The following DDX59 variants were observed in gnomAD, a reference collection of about 807,000 sequenced individuals.
The protein encoded by DDX59 is probable ATP-dependent RNA helicase DDX59.
In DDX59, 30 loss-of-function variants were observed where a neutral mutation model predicts 51.9. That is an observed-to-expected ratio of 0.58 (90% CI 0.43 to 0.78). The LOEUF (loss-of-function observed/expected upper bound fraction) is 0.78, where lower values mean the gene tolerates loss of function less well. Ranked by LOEUF, DDX59 falls within the 30% of genes least tolerant of loss-of-function variation. DDX59 has a pLI of 0.00. For missense variants in DDX59, 672 were observed against 730.8 expected (o/e 0.92, Z 0.93); for synonymous variants, 255 against 253.3 (o/e 1.01, Z -0.06).
intron 4 of DDX59, among the ~76,000 whole-genome samples, chr1:200,656,241 C>T (rs1045618096): frequency 1.3e-5 from 2 of 152,116 alleles, no homozygotes; most frequent in African/African-American, 2.4e-5. Flanking sequence ...ATGGGAACCC[C>T]GTCACACCCA....
rs1384742626 is a variant in DDX59, at chr1:200,649,091, T to C, written c.1450A>G (p.Arg484Gly). ...SIHSEKSQIERKNILKGLLEG... is the reference protein window; with the variant it reads ...SIHSEKSQIEGKNILKGLLEG... ...TGTCAAACCTTCAATATGTTTTTCC[T>C]TTCTATTTGCGACTTCTCTGAATGT... is the stretch of plus-strand genomic sequence containing the variant. The change falls in exon 6 of 8, where the codon AGG (arginine) becomes GGG (glycine). Residue 484 changes from arginine to glycine, a missense_variant. Transcript: ENST00000331314. 1.3e-6 allele frequency: 2 copies of C among 1,565,730 alleles called. No homozygotes were observed. The highest frequency in any genetic ancestry group is 2.4e-5 in the South Asian group (2 of 82,410).
downstream of DDX59, chr1:200,641,251 A>T: frequency 7.7e-7 from 1 of 1,303,072 alleles, no homozygotes; most frequent in Non-Finnish European, 1.0e-6. Context: ...CCCAAATAAT[A>T]TTCAGCTGCC....
At chr1:200,667,090 A>G (rs892150474) in intron 1 of DDX59, among the ~76,000 whole-genome samples, 2 of 150,636 alleles carry the variant, frequency 1.3e-5, no homozygotes, top group African/African-American at 4.9e-5. Context: ...CCTGGGTGAC[A>G]GTGAGATTCT....
chr1:200,642,736 T>C (rs1385117567), downstream of DDX59, among the ~76,000 whole-genome samples: 1 of 152,186 alleles, frequency 6.6e-6, no homozygotes, highest in Non-Finnish European at 1.5e-5. Flanking sequence ...CTATTGGGTA[T>C]TTGACATATG....
intron 7 of DDX59, among the ~76,000 whole-genome samples, chr1:200,645,450 T>C (rs1661238207): frequency 6.6e-6 from 1 of 152,288 alleles, no homozygotes; most frequent in South Asian, 2.1e-4. Flanking sequence ...GATAATTTTT[T>C]GTATTTTTAG....
intron 4 of DDX59, among the ~76,000 whole-genome samples, chr1:200,651,794 G>A (rs1415743849): frequency 6.6e-6 from 1 of 152,106 alleles, no homozygotes; most frequent in African/African-American, 2.4e-5. Flanking sequence ...GGATCACGAG[G>A]TCAGGAGATC....
intron 4 of DDX59, among the ~76,000 whole-genome samples, chr1:200,652,667 A>AT (rs10590500): frequency 0.072 from 8,419 of 117,064 alleles, 338 homozygotes; most frequent in Non-Finnish European, 0.085. Context: ...CATAAAAAGC[A>AT]TTTTTTTTTT....
chr1:200,664,400 C>A (rs1033498612), intron 2 of DDX59, among the ~76,000 whole-genome samples: 3 of 152,198 alleles, frequency 2.0e-5, no homozygotes, highest in African/African-American at 7.2e-5. Context: ...TCATCCTCCC[C>A]TGAAGAGAGA....
At chr1:200,653,668 G>A (rs1661814093) in intron 4 of DDX59, among the ~76,000 whole-genome samples, 2 of 152,144 alleles carry the variant, frequency 1.3e-5, no homozygotes, top group African/African-American at 4.8e-5. Flanking sequence ...CCACTTCTCT[G>A]ACTTCATCTC....
intron 7 of DDX59, among the ~76,000 whole-genome samples, chr1:200,646,278 G>A (rs1571606984): frequency 2.0e-5 from 3 of 152,146 alleles, no homozygotes; most frequent in Admixed American, 2.0e-4. Context: ...AGGTTACAGT[G>A]AGCTATGACT....
In DDX59 at chr1:200,644,577, A is replaced by G; in HGVS notation, c.1597-60T>C. 1.3e-6 allele frequency: 2 copies of G among 1,513,578 alleles called. 1 individual carries two copies. Among genetic ancestry groups the G allele is most frequent in the Non-Finnish European group, 1.8e-6 (2 of 1,134,380 alleles). 93.8% of individuals were successfully genotyped at this position (1,513,578 alleles called of 1,614,324 possible). ...CCATGTAAAATCTTAGTGTCTTTTGAAAGAAAATGAATAATATTACTTAAA... is the reference window on the plus strand; with the variant it reads ...CCATGTAAAATCTTAGTGTCTTTTGGAAGAAAATGAATAATATTACTTAAA... On this transcript the variant is annotated intron_variant, in intron 7 of 7. Transcript: ENST00000331314.
intron 3 of DDX59, among the ~76,000 whole-genome samples, chr1:200,662,667 A>T (rs1406286339): frequency 1.3e-5 from 2 of 152,152 alleles, no homozygotes; most frequent in African/African-American, 4.8e-5. Flanking sequence ...ATTAACATAT[A>T]TTTTTTTAAG....
chr1:200,655,346 C>T (rs1291175244), intron 4 of DDX59, among the ~76,000 whole-genome samples: 1 of 149,072 alleles, frequency 6.7e-6, no homozygotes, highest in African/African-American at 2.4e-5. Flanking sequence ...GTGACTCCTA[C>T]TGCCTCCACC....
At chr1:200,659,904 A>G (rs1325479621) in intron 3 of DDX59, among the ~76,000 whole-genome samples, 2 of 152,116 alleles carry the variant, frequency 1.3e-5, no homozygotes, top group Non-Finnish European at 2.9e-5. Flanking sequence ...GGCTGGTCTC[A>G]AACTCCTGGG....
chr1:200,646,332 T>G (rs1289537663), intron 7 of DDX59, among the ~76,000 whole-genome samples: 2 of 151,984 alleles, frequency 1.3e-5, no homozygotes, highest in East Asian at 3.9e-4. Context: ...AGACCCCGTC[T>G]CTTAAAAAAA....
At position 200,644,482 on chromosome 1, in the gene DDX59, T is replaced by C. The variant is rs114747202; in HGVS notation, c.1632A>G (p.Thr544=). 754 of 1,597,848 alleles carry C rather than the reference T, an allele frequency of 4.7e-4. No homozygotes were observed. The highest frequency in any genetic ancestry group is 7.5e-4 in the Admixed American group (43 of 57,680). The change falls in exon 8 of 8, where the codon ACA becomes ACG. Residue 544 remains threonine, a synonymous_variant. Coordinates refer to ENST00000331314, the MANE Select transcript of DDX59 (RefSeq NM_001031725.6). ...AATTATTATTGATGAAAGTAATCGC[T>C]GTTCCATTTTGACCTAATCTTCCTA... ...GRVGRLGQNG[T]AITFINNNSK...
chr1:200,648,934 T>A, intron 6 of DDX59, 140 bp downstream of exon 6: 2 of 886,768 alleles, frequency 2.3e-6, no homozygotes, highest in Non-Finnish European at 3.3e-6. Flanking sequence ...AACATTAACT[T>A]CATGGTAACC....
chr1:200,641,992 G>A (rs547411748), downstream of DDX59, among the ~76,000 whole-genome samples: 8 of 152,260 alleles, frequency 5.3e-5, no homozygotes, highest in East Asian at 1.4e-3. Context: ...AGCAGAGTGA[G>A]ACTCCATCTC....
At chr1:200,668,770 G>A (rs1396515027) in intron 1 of DDX59, among the ~76,000 whole-genome samples, 1 of 152,036 alleles carries the variant, frequency 6.6e-6, no homozygotes, top group African/African-American at 2.4e-5. Flanking sequence ...TTTACAACCT[G>A]CTCTCTCTAA....
Sources: allele counts gnomAD v4.1 joint callset (sites outside exome capture counted in the v4.1 genomes callset), GRCh38; gene constraint gnomAD v4.1.1; transcripts MANE v1.5; gene names NCBI Gene and HGNC (gene_info 2026-07-23, HGNC 2026-07-21).